Variants in CCDC68 observed in about 807,000 individuals in gnomAD.
CCDC68 encodes the protein coiled-coil domain-containing protein 68.
A neutral mutation model predicts 47.1 loss-of-function variants in CCDC68; 45 were observed. The observed-to-expected ratio is 0.96, with a 90% confidence interval of 0.75 to 1.23. CCDC68 has a LOEUF of 1.23. Ranked by LOEUF, CCDC68 falls within the 50% of genes most tolerant of loss-of-function variation. The pLI, the probability that CCDC68 is intolerant of heterozygous loss-of-function variation, is 0.00. For synonymous variants in CCDC68, 131 were observed against 129.5 expected (o/e 1.01, Z -0.08); for missense variants, 353 against 373.6 (o/e 0.94, Z 0.45).
chr18:54,904,103 T>G lies in CCDC68; in HGVS notation c.*255A>C, dbSNP rs1913840731. On this transcript the variant is annotated 3_prime_UTR_variant, in exon 12 of 12. Transcript: ENST00000591504. ...ATTCAGATTTTTTTTTTTTTTTAAT[T>G]TAAAGCAGAATCTGTCTTCCATCAT... The G allele has an allele frequency of 9.2e-6, 3 of 324,620 alleles. No individual in the cohort carries two copies. The highest frequency in any genetic ancestry group is 1.7e-5 in the Non-Finnish European group (3 of 179,172). The allele number at this position is 324,620 out of a possible 1,614,324, so 20.1% of individuals were successfully genotyped here.
At position 54,938,001 on chromosome 18, in the gene CCDC68, G is replaced by A. The variant is rs1315461637; in HGVS notation, c.301C>T (p.Gln101Ter). Residue 101 changes from glutamine to a stop codon, truncating the protein, a stop_gained, in exon 5 of 12, where the codon CAG becomes TAG. Transcript: ENST00000591504. LOFTEE classifies it high-confidence loss of function. ...TTCTCTTTGTTCATTTCTAAGAGCT[G>A]TAGGTCTTTTCCTTTTATCTTTTTC... ...LMKKIKGKDL[Q>*]LLEMNKENEV... 1 of 1,613,174 alleles carries A rather than the reference G, an allele frequency of 6.2e-7. No homozygotes were observed. Among genetic ancestry groups the A allele is most frequent in the South Asian group, 1.1e-5 (1 of 90,994 alleles).
At position 54,904,339 on chromosome 18, in the gene CCDC68, A is replaced by G. The variant is rs896475973; in HGVS notation, c.*19T>C. 3.8e-6 allele frequency: 6 copies of G among 1,598,002 alleles called. No homozygotes were observed. The African/African-American group carries it at 6.7e-5, about 18-fold the overall frequency. On this transcript the variant is annotated 3_prime_UTR_variant, in exon 12 of 12. Transcript: ENST00000591504. Reference sequence around the variant, plus strand: ...AAGACTCACGCAGTCTTTCTAAATCAGATCTTCATCCAGCCAGTTCATTTC... The same window carrying G: ...AAGACTCACGCAGTCTTTCTAAATCGGATCTTCATCCAGCCAGTTCATTTC...
At chr18:54,916,865 CA>C (rs777107087) in intron 10 of CCDC68, among the ~76,000 whole-genome samples, 50 of 152,168 alleles carry the variant, frequency 3.3e-4, no homozygotes, top group Non-Finnish European at 3.2e-4. Flanking sequence ...CAATTTCTCC[CA>C]CATGGTTCTC....
intron 7 of CCDC68, among the ~76,000 whole-genome samples, chr18:54,929,770 A>G (rs768513883): frequency 3.9e-5 from 6 of 152,232 alleles, no homozygotes; most frequent in African/African-American, 2.4e-5. Context: ...GCAGTGCTGT[A>G]TAGAAGAAAC....
chr18:54,905,299 G>C, intron 11 of CCDC68, among the ~76,000 whole-genome samples: 1 of 146,704 alleles, frequency 6.8e-6, no homozygotes, highest in Middle Eastern at 3.2e-3. Context: ...GGAGGGGAGG[G>C]ACTAGTTGGG....
intron 7 of CCDC68, among the ~76,000 whole-genome samples, chr18:54,931,807 C>T (rs9944707): frequency 0.38 from 58,305 of 151,906 alleles, 11,382 homozygotes; most frequent in East Asian, 0.58. Flanking sequence ...GTGGGACAGA[C>T]GGTGAAGGTT....
intron 8 of CCDC68, among the ~76,000 whole-genome samples, chr18:54,924,966 T>C (rs2044121661): frequency 6.6e-6 from 1 of 152,204 alleles, no homozygotes; most frequent in Admixed American, 6.5e-5. Context: ...AGGTAAGCCT[T>C]TGTGTTTATT....
intron 10 of CCDC68, among the ~76,000 whole-genome samples, chr18:54,908,588 C>T (rs962813688): frequency 6.6e-6 from 1 of 152,164 alleles, no homozygotes; most frequent in African/African-American, 2.4e-5. Flanking sequence ...GCCTAATTTC[C>T]TCATCTGAAT....
chr18:54,904,541 G>A (rs914174535), intron 11 of CCDC68, 126 bp from the exon 12 acceptor site: 13 of 727,752 alleles, frequency 1.8e-5, no homozygotes, highest in Non-Finnish European at 2.3e-6. Context: ...TTTGTTCTAA[G>A]AGATGTGTTA....
intron 8 of CCDC68, among the ~76,000 whole-genome samples, chr18:54,920,733 T>C (rs2044043483): frequency 6.6e-6 from 1 of 152,222 alleles, no homozygotes; most frequent in Non-Finnish European, 1.5e-5. Flanking sequence ...GGAATGCTTA[T>C]ACACTGTTGG....
chr18:54,954,216 C>T (rs1251858151), intron 1 of CCDC68, among the ~76,000 whole-genome samples: 2 of 151,720 alleles, frequency 1.3e-5, no homozygotes, highest in African/African-American at 2.4e-5. Flanking sequence ...TCACCACACT[C>T]GGCTAATTTT....
At chr18:54,954,552 T>C (rs564976640) in intron 1 of CCDC68, 3 of 152,180 alleles carry the variant, frequency 2.0e-5, no homozygotes, top group African/African-American at 7.2e-5. Context: ...TCAAAATAAA[T>C]AGCAGGTGCT....
chr18:54,925,572 C>CT (rs1445031547), intron 8 of CCDC68, among the ~76,000 whole-genome samples: 1 of 152,188 alleles, frequency 6.6e-6, no homozygotes, highest in Non-Finnish European at 1.5e-5. Flanking sequence ...GAGGCTACTT[C>CT]TGGGTACACT....
chr18:54,916,703 GC>G (rs2145411170), intron 10 of CCDC68, among the ~76,000 whole-genome samples: 1 of 152,274 alleles, frequency 6.6e-6, no homozygotes, highest in Non-Finnish European at 1.5e-5. Context: ...TTCCTGCAAG[GC>G]AGGGGCATCG....
chr18:54,941,102 A>AT lies in CCDC68; in HGVS notation c.118-20_118-19insA, dbSNP rs751861494. The AT allele has an allele frequency of 3.8e-6, 6 of 1,579,354 alleles. No individual in the cohort carries two copies. The African/African-American group carries it at 8.1e-5, about 21-fold the overall frequency. ...TTCGAATCTAGAGAAGGAAAACAAA[A>AT]CCATTTGTTTCAAAGGCATTTAATG... is the stretch of plus-strand genomic sequence containing the variant. On this transcript the variant is annotated intron_variant, in intron 3 of 11. Transcript: ENST00000591504.
In CCDC68 at chr18:54,906,615, A is replaced by C. The variant is rs1914023749; in HGVS notation, c.950+1171T>G. Among the ~76,000 whole-genome samples, 4 of 152,108 alleles carry C rather than the reference A, an allele frequency of 2.6e-5. No homozygotes were observed. The South Asian group carries it at 8.3e-4, about 32-fold the overall frequency. On this transcript the variant is annotated intron_variant, in intron 11 of 11. Coordinates refer to ENST00000591504, the MANE Select transcript of CCDC68 (RefSeq NM_025214.3). ...GAATGGTAAAGATGGAAGGGAGCAA[A>C]ATATTAGCCATCCTTCCTTCCCTTA...
chr18:54,909,278 G>C (rs1464870766), intron 10 of CCDC68, among the ~76,000 whole-genome samples: 3 of 152,138 alleles, frequency 2.0e-5, no homozygotes, highest in Non-Finnish European at 4.4e-5. Context: ...GGTAGCTGGG[G>C]GGAACGATGA....
At chr18:54,946,832 G>GT (rs554906167) in intron 1 of CCDC68, among the ~76,000 whole-genome samples, 42,081 of 148,242 alleles carry the variant, frequency 0.28, 6,326 homozygotes, top group African/African-American at 0.41. Flanking sequence ...AGGAAAATGA[G>GT]TTTTTTTTTT....
chr18:54,908,258 C>G (rs1475612336), intron 10 of CCDC68, among the ~76,000 whole-genome samples: 1 of 152,158 alleles, frequency 6.6e-6, no homozygotes, highest in Non-Finnish European at 1.5e-5. Flanking sequence ...TTATAAACCC[C>G]ATGAAAATAG....
Sources: allele counts gnomAD v4.1 joint callset (sites outside exome capture counted in the v4.1 genomes callset), GRCh38; gene constraint gnomAD v4.1.1; transcripts MANE v1.5; gene names NCBI Gene and HGNC (gene_info 2026-07-23, HGNC 2026-07-21).